Variants in CATSPERG observed in about 807,000 individuals in gnomAD.
CATSPERG encodes the protein cation channel sperm-associated auxiliary subunit gamma.
Under a neutral mutation model 145.0 loss-of-function variants are expected in CATSPERG, and 115 were observed. The ratio of observed to expected loss-of-function variants is 0.79; its 90% CI spans 0.68 to 0.93. The LOEUF is 0.93. CATSPERG is among the 40% of genes least tolerant of loss of function. The pLI is 0.00. For missense variants in CATSPERG, 1,296 were observed against 1,490.1 expected (o/e 0.87, Z 2.14); for synonymous variants, 588 against 589.0 (o/e 1.00, Z 0.02).
intron 3 of CATSPERG, among the ~76,000 whole-genome samples, chr19:38,342,373 G>T (rs956233906): frequency 1.3e-5 from 2 of 151,998 alleles, no homozygotes; most frequent in African/African-American, 4.8e-5. Flanking sequence ...GCCGAAGCGC[G>T]CAGATCAGTT....
At chr19:38,370,289 G>A (rs371685589) in intron 28 of CATSPERG, 31 bp downstream of exon 28, 88 of 1,589,026 alleles carry the variant, frequency 5.5e-5, no homozygotes, top group Non-Finnish European at 7.5e-5. Flanking sequence ...TGCCCTACTG[G>A]GTGGGCAGGG....
At position 38,361,632 on chromosome 19, in the gene CATSPERG, C is replaced by A; in HGVS notation, c.1881-16C>A. Reference sequence around the variant, plus strand: ...TGCCTTAGAGCCAGCAGCCTTTCCCCCTTGCCACTGCCCAGGGGCTACTTG... The same window carrying A: ...TGCCTTAGAGCCAGCAGCCTTTCCCACTTGCCACTGCCCAGGGGCTACTTG... On this transcript the variant is annotated splice_polypyrimidine_tract_variant and intron_variant, in intron 16 of 28. Transcript: ENST00000409235. 6.2e-7 allele frequency: 1 copy of A among 1,602,988 alleles called. No individual in the cohort carries two copies. The highest frequency in any genetic ancestry group is 8.5e-7 in the Non-Finnish European group (1 of 1,177,052).
chr19:38,359,715 C>T lies in CATSPERG; in HGVS notation c.1608+134C>T, dbSNP rs563522044. The stretch of plus-strand genomic sequence containing the variant: ...GGGACCCTGAGAAAGGGCAGTGAAG[C>T]TCCATTTATAACTGAAACTCCTGGA... On this transcript the variant is annotated intron_variant, in intron 14 of 28. Transcript: ENST00000409235. The T allele has an allele frequency of 1.6e-5, 23 of 1,409,822 alleles. No individual in the cohort carries two copies. The East Asian group carries it at 5.9e-4, about 36-fold the overall frequency. 87.3% of individuals were successfully genotyped at this position (1,409,822 alleles called of 1,614,324 possible).
intron 3 of CATSPERG, among the ~76,000 whole-genome samples, chr19:38,338,709 G>A (rs1199704965): frequency 6.6e-6 from 1 of 152,120 alleles, no homozygotes; most frequent in Non-Finnish European, 1.5e-5. Flanking sequence ...GCATCCAGAA[G>A]CTCAAGACTA....
At position 38,367,571 on chromosome 19, in the gene CATSPERG, A is replaced by G. The variant is rs149754338; in HGVS notation, c.2833A>G (p.Ser945Gly). The change falls in exon 24 of 29, where the codon AGC (serine) becomes GGC (glycine). Residue 945 changes from serine to glycine, a missense_variant and splice_region_variant. Physicochemically the swap from Ser to Gly is moderately conservative, Grantham distance 56. Transcript: ENST00000409235. ...AGGAGACTCCGGCAGTTTCCAGGGC[A>G]GGTAAAGGCGTGGCCAGCTTGCAGC... ...VTGDSGSFQG[S>G]YVLLVVGGGP... 1 of 1,614,014 alleles carries G rather than the reference A, an allele frequency of 6.2e-7. No homozygotes were observed. Among genetic ancestry groups the G allele is most frequent in the African/African-American group, 1.3e-5 (1 of 75,012 alleles).
rs559407190 is a variant in CATSPERG at position 38,346,353 on chromosome 19, G to C, written c.670-97G>C. The stretch of plus-strand genomic sequence containing the variant: ...GGAAGTGAGAAGGACAAATCGCGTG[G>C]GGCCTTGTGGGTCCAGGTCAGGCCT... On this transcript the variant is annotated intron_variant, in intron 6 of 28. Coordinates refer to ENST00000409235, the MANE Select transcript of CATSPERG (RefSeq NM_021185.5). 4.4e-6 allele frequency: 5 copies of C among 1,148,468 alleles called. No homozygotes were observed. In the South Asian group the frequency reaches 9.0e-5, roughly 21 times the overall value. The allele number at this position is 1,148,468 out of a possible 1,614,324, so 71.1% of individuals were successfully genotyped here.
At chr19:38,344,147 G>A in intron 5 of CATSPERG, 28 bp downstream of exon 5, 1 of 1,551,398 alleles carries the variant, frequency 6.4e-7, no homozygotes, top group Non-Finnish European at 8.7e-7. Flanking sequence ...GGGGGCTGGG[G>A]TGGACTCCGG....
chr19:38,359,758 G>C, intron 14 of CATSPERG, 177 bp downstream of exon 14: 1 of 1,362,660 alleles, frequency 7.3e-7, no homozygotes, highest in South Asian at 1.5e-5. Context: ...GTAAGTGTCA[G>C]CTCCAAAGTC....
chr19:38,367,954 C>A, intron 25 of CATSPERG, 94 bp from the exon 26 acceptor site: 1 of 1,254,678 alleles, frequency 8.0e-7, no homozygotes, highest in Non-Finnish European at 1.2e-6. Context: ...GTCCCCTGCA[C>A]CCACCTGTGG....
chr19:38,359,330 G>A (rs1035585397), intron 13 of CATSPERG, 140 bp from the exon 14 acceptor site: 6 of 539,462 alleles, frequency 1.1e-5, no homozygotes, highest in Non-Finnish European at 1.7e-5. Flanking sequence ...TTGGGGTGGG[G>A]GGCGGGAGCT....
At chr19:38,349,978 G>T (rs1046211791) in intron 7 of CATSPERG, among the ~76,000 whole-genome samples, 1 of 151,980 alleles carries the variant, frequency 6.6e-6, no homozygotes, top group Non-Finnish European at 1.5e-5. Flanking sequence ...GCTCATTCTC[G>T]TAACAGTCTG....
intron 26 of CATSPERG, 27 bp from the exon 27 acceptor site, chr19:38,369,945 C>G: frequency 6.2e-7 from 1 of 1,610,202 alleles, no homozygotes; most frequent in Admixed American, 1.7e-5. Context: ...TGGTTGGTAG[C>G]ACAACTGCCT....
intron 26 of CATSPERG, 139 bp from the exon 27 acceptor site, chr19:38,369,833 G>C (rs1970515197): frequency 2.5e-6 from 2 of 785,052 alleles, no homozygotes; most frequent in South Asian, 1.5e-5. Context: ...ATGAATGAGT[G>C]AATGAAGGAA....
intron 13 of CATSPERG, 144 bp from the exon 14 acceptor site, chr19:38,359,326 T>G: frequency 4.1e-6 from 2 of 490,500 alleles, no homozygotes; most frequent in Non-Finnish European, 3.9e-6. Flanking sequence ...GGGTTTGGGG[T>G]GGGGGGCGGG....
chr19:38,364,930 A>C lies in CATSPERG; in HGVS notation c.2515A>C (p.Ile839Leu). The change falls in exon 21 of 29, where the codon ATT (isoleucine) becomes CTT (leucine). Residue 839 changes from isoleucine to leucine, a missense_variant. By Grantham distance (5) the Ile-to-Leu change is conservative. Transcript: ENST00000409235. ...TAAAAAGCTTTGCTATGACCAAGGC[A>C]TTAGTGGACATCACCTTATGGAGAC... The part of the protein sequence containing the change: ...KDKKLCYDQG[I>L]SGHHLMETSM... 6.2e-7 allele frequency: 1 copy of C among 1,614,166 alleles called. No homozygotes were observed. Among genetic ancestry groups the C allele is most frequent in the South Asian group, 1.1e-5 (1 of 91,086 alleles).
Position 38,356,558 on chromosome 19 carries a change from G to A in CATSPERG, c.1195+15G>A, listed in dbSNP as rs767061763. The stretch of plus-strand genomic sequence containing the variant: ...GCAGATAGGAGGTACTCATTACCCC[G>A]ATGGGTCTGCGGTGGGAGGCTGGGG... On this transcript the variant is annotated intron_variant, in intron 10 of 28. Coordinates refer to ENST00000409235, the MANE Select transcript of CATSPERG (RefSeq NM_021185.5). 34 of 1,612,850 alleles carry A rather than the reference G, an allele frequency of 2.1e-5. No individual in the cohort carries two copies. The highest frequency in any genetic ancestry group is 7.7e-5 in the South Asian group (7 of 91,054).
chr19:38,351,164 A>G (rs772372363), intron 7 of CATSPERG, among the ~76,000 whole-genome samples: 11 of 152,204 alleles, frequency 7.2e-5, no homozygotes, highest in Non-Finnish European at 1.0e-4. Flanking sequence ...CAACAAAGCC[A>G]ACACAATCAC....
chr19:38,361,995 C>CCCG, intron 17 of CATSPERG, 134 bp downstream of exon 17: 1 of 161,732 alleles, frequency 6.2e-6, no homozygotes, highest in East Asian at 1.2e-4. Context: ...GGCGGGGGAC[C>CCCG]TGGGGGCGGG....
At chr19:38,349,059 T>C (rs1970090375) in intron 7 of CATSPERG, 1 of 152,170 alleles carries the variant, frequency 6.6e-6, no homozygotes, top group African/African-American at 2.4e-5. Context: ...GGGAGACACA[T>C]CTCAGATGAC....
Sources: gnomAD v4.1 joint callset for allele counts (sites outside exome capture counted in the v4.1 genomes callset) on GRCh38, gnomAD v4.1.1 for gene constraint, MANE v1.5 for transcripts, NCBI Gene and HGNC (gene_info 2026-07-23, HGNC 2026-07-21) for gene names.